The following TNK2 variants were observed in gnomAD, a reference collection of about 807,000 sequenced individuals.
TNK2 encodes the protein activated CDC42 kinase 1.
Under a neutral mutation model 101.8 loss-of-function variants are expected in TNK2, and 83 were observed. That is an observed-to-expected ratio of 0.82 (90% CI 0.68 to 0.98). The LOEUF is 0.98. Ranked by LOEUF, TNK2 falls within the 50% of genes least tolerant of loss-of-function variation. The probability of loss-of-function intolerance (pLI) is 0.00; values close to 1 mark genes in which losing one functional copy is unlikely to be tolerated. For synonymous variants in TNK2, 804 were observed against 633.0 expected (o/e 1.27, Z -4.06); for missense variants, 1,665 against 1,483.2 (o/e 1.12, Z -2.01).
At chr3:195,895,333 G>T in intron 1 of TNK2, 1 of 1,571,310 alleles carries the variant, frequency 6.4e-7, no homozygotes. Flanking sequence ...CGGTCAGGGA[G>T]AGAAGCAGCG....
chr3:195,869,119 G>T (rs1742994050), intron 12 of TNK2: 2 of 485,348 alleles, frequency 4.1e-6, no homozygotes, highest in Non-Finnish European at 7.5e-6. Context: ...GCCATCAGGG[G>T]CTATAAGGAC....
rs959364342 is a variant in TNK2, at chr3:195,895,088, G to A, written c.-18-6482C>T. On this transcript the variant is annotated intron_variant, in intron 1 of 15. Coordinates refer to ENST00000672887, the MANE Select transcript of TNK2 (RefSeq NM_001382273.1). ...ATGCCAGCATCACTAAGTCACCACC[G>A]CCACACCCACATAAACACACCGCTC... Among the ~76,000 whole-genome samples, 11 of 152,214 alleles carry A rather than the reference G, an allele frequency of 7.2e-5. No individual in the cohort carries two copies. In the East Asian group the frequency reaches 1.9e-3, roughly 27 times the overall value.
At position 195,868,473 on chromosome 3, in the gene TNK2, T is replaced by C. The variant is rs371531955; in HGVS notation, c.1825A>G (p.Met609Val). ...TCGTCCAGCAGGGAGCAGGCGTCCA[T>C]GGCCAGCTGCGCCAGGGAGGGCGCG... ...PCAPSLAQLA[M>V]DACSLLDETP... Residue 609 changes from methionine (M) to valine (V), a missense_variant, in exon 13 of 16, where the codon ATG becomes GTG. Met to Val is a conservative substitution (Grantham distance 21). Coordinates refer to ENST00000672887, the MANE Select transcript of TNK2 (RefSeq NM_001382273.1). 14 of 1,553,688 alleles carry C rather than the reference T, an allele frequency of 9.0e-6. No homozygotes were observed. The highest frequency in any genetic ancestry group is 2.8e-5 in the African/African-American group (2 of 72,562).
chr3:195,866,745 G>A (rs1356497099), intron 15 of TNK2, 144 bp downstream of exon 15: 1 of 1,234,116 alleles, frequency 8.1e-7, no homozygotes, highest in Non-Finnish European at 1.1e-6. Context: ...GCTGGGCCCT[G>A]TGAGCGCCTC....
At chr3:195,875,643 C>T (rs1426881946) in intron 9 of TNK2, among the ~76,000 whole-genome samples, 3 of 109,630 alleles carry the variant, frequency 2.7e-5, no homozygotes, top group East Asian at 2.3e-4. Context: ...CTTCCAGGCC[C>T]GCCCTGTCCG....
chr3:195,872,239 G>A (rs374293483), intron 10 of TNK2, 37 bp downstream of exon 10: 15 of 1,609,748 alleles, frequency 9.3e-6, no homozygotes, highest in Middle Eastern at 1.6e-4. Context: ...AGTCCCGAGC[G>A]GGGCCAGGTC....
At position 195,868,686 on chromosome 3, in the gene TNK2, C is replaced by A; in HGVS notation, c.1612G>T (p.Glu538Ter). ...TCGCTGGACAAGGGGTCTTGGTCCT[C>A]GCTCACAGGGTCATAGGTTGGTTCT... ...TQKPTYDPVS[E>*]DQDPLSSDFK... Residue 538 changes from glutamate to a stop codon, truncating the protein, a stop_gained, in exon 13 of 16, where the codon GAG (glutamate) becomes TAG (stop). Transcript: ENST00000672887. LOFTEE classifies it high-confidence loss of function. The A allele has an allele frequency of 6.3e-7, 1 of 1,590,552 alleles. No individual in the cohort carries two copies. The highest frequency in any genetic ancestry group is 8.5e-7 in the Non-Finnish European group (1 of 1,176,640).
intron 11 of TNK2, 57 bp from the exon 12 acceptor site, chr3:195,869,598 G>A (rs1743487805): frequency 1.3e-6 from 2 of 1,520,494 alleles, no homozygotes; most frequent in Non-Finnish European, 1.8e-6. Context: ...AGAGGACAAA[G>A]GAGGGAGACG....
chr3:195,897,803 C>T, intron 1 of TNK2, among the ~76,000 whole-genome samples: 1 of 35,064 alleles, frequency 2.9e-5, no homozygotes, highest in East Asian at 3.4e-3. Context: ...CGCCTGCCCA[C>T]CCCCTCACCC....
chr3:195,868,722 G>C lies in TNK2; in HGVS notation c.1589-13C>G. ...TCATAGGTTGGTTCTGTGATGGAAA[G>C]GGAGAGCCCAACAGGAAGGCAGTCA... is the stretch of plus-strand genomic sequence containing the variant. On this transcript the variant is annotated splice_polypyrimidine_tract_variant and intron_variant, in intron 12 of 15. Transcript: ENST00000672887. The C allele has an allele frequency of 6.5e-7, 1 of 1,538,318 alleles. No homozygotes were observed. The highest frequency in any genetic ancestry group is 8.7e-7 in the Non-Finnish European group (1 of 1,152,128).
chr3:195,867,650 T>C lies in TNK2; in HGVS notation c.2648A>G (p.Tyr883Cys), dbSNP rs1298821975. ...CAGGAAGCGCTGGTAGCGCTCCAGG[T>C]AGGATGGTCGCTCGGGCAGCAAGTA... The part of the protein sequence containing the change: ...HYYLLPERPS[Y>C]LERYQRFLRE... The change falls in exon 13 of 16, where the codon TAC becomes TGC. Residue 883 changes from tyrosine to cysteine, a missense_variant. Physicochemically the swap from Tyr to Cys is radical, Grantham distance 194. This residue lies in a region of TNK2 where 1,136 missense variants were observed against 894.9 expected (regional missense o/e 1.27). Transcript: ENST00000672887. 2 of 1,603,654 alleles carry C rather than the reference T, an allele frequency of 1.2e-6. No homozygotes were observed. Among genetic ancestry groups the C allele is most frequent in the African/African-American group, 1.3e-5 (1 of 74,844 alleles).
rs758605659 is a variant in TNK2 at position 195,882,404 on chromosome 3, G to C, written c.610-76C>G. On this transcript the variant is annotated intron_variant, in intron 5 of 15. Coordinates refer to ENST00000672887, the MANE Select transcript of TNK2 (RefSeq NM_001382273.1). The surrounding 1 kb of genome is among the most constrained non-coding windows in gnomAD (Gnocchi z 4.2). ...CTCAGCAGCCCACGCTGGGCCCCCA[G>C]TCCCCTTCCTGAAGGCTTTCCAGAG... 2.0e-5 allele frequency: 31 copies of C among 1,587,458 alleles called. No individual in the cohort carries two copies. Among genetic ancestry groups the C allele is most frequent in the African/African-American group, 2.7e-5 (2 of 74,226 alleles).
rs749030944 is a variant in TNK2, at chr3:195,895,388, T to C, written c.-18-6782A>G. 3.9e-5 allele frequency: 60 copies of C among 1,545,970 alleles called. No homozygotes were observed. The East Asian group carries it at 1.5e-3, about 39-fold the overall frequency. ...AGCGGCACCGGCAGCGTCACTGCCC[T>C]GCGTCCTGGGGGGCCGGGCCTCGAG... On this transcript the variant is annotated intron_variant, in intron 1 of 15. Transcript: ENST00000672887.
intron 9 of TNK2, among the ~76,000 whole-genome samples, chr3:195,877,173 C>T (rs535884924): frequency 7.4e-4 from 112 of 152,316 alleles, no homozygotes; most frequent in African/African-American, 2.7e-3. Flanking sequence ...GACTGTTTGC[C>T]TCCTGTCCCC....
In TNK2 at chr3:195,886,687, G is replaced by C. The variant is rs1260723096; in HGVS notation, c.234+290C>G. ...CTCAGACACAGCAGGGCTAAGTTAA[G>C]GCACACTTGTCAATGAGGTCCTGTT... On this transcript the variant is annotated intron_variant, in intron 3 of 15. Coordinates refer to ENST00000672887, the MANE Select transcript of TNK2 (RefSeq NM_001382273.1). The surrounding 1 kb of genome is among the most constrained non-coding windows in gnomAD (Gnocchi z 4.2). Among the ~76,000 whole-genome samples the C allele has an allele frequency of 6.6e-6, 1 of 152,186 alleles. No individual in the cohort carries two copies. The highest frequency in any genetic ancestry group is 1.5e-5 in the Non-Finnish European group (1 of 68,024).
At position 195,869,522 on chromosome 3, in the gene TNK2, T is replaced by C; in HGVS notation, c.1563A>G (p.Pro521=). The C allele has an allele frequency of 1.3e-6, 2 of 1,549,998 alleles. No homozygotes were observed. The highest frequency in any genetic ancestry group is 1.7e-6 in the Non-Finnish European group (2 of 1,146,696). ...GGVKREPPPR[P]PQPAFFTQKP... Reference sequence around the variant, plus strand: ...TCTGAGTGAAGAAGGCAGGCTGAGGTGGGCGAGGTGGAGGCTCCCCTGCAA... The same window carrying C: ...TCTGAGTGAAGAAGGCAGGCTGAGGCGGGCGAGGTGGAGGCTCCCCTGCAA... The change falls in exon 12 of 16, where the codon CCA becomes CCG. Residue 521 remains proline, a synonymous_variant. Coordinates refer to ENST00000672887, the MANE Select transcript of TNK2 (RefSeq NM_001382273.1).
At position 195,885,418 on chromosome 3, in the gene TNK2, T is replaced by A; in HGVS notation, c.235-385A>T. ...CCGCAGACTCCAGCCCTAACCCGCA[T>A]CGATGGAGCCGCAGGGGCCCTCCAC... is the stretch of plus-strand genomic sequence containing the variant. On this transcript the variant is annotated intron_variant, in intron 3 of 15. Coordinates refer to ENST00000672887, the MANE Select transcript of TNK2 (RefSeq NM_001382273.1). This position sits in a 1 kb window ranked among gnomAD's most constrained non-coding sequence, Gnocchi z 4.7. The A allele has an allele frequency of 2.3e-6, 3 of 1,330,914 alleles. No individual in the cohort carries two copies. The highest frequency in any genetic ancestry group is 3.0e-6 in the Non-Finnish European group (3 of 1,016,778). 82.4% of individuals were successfully genotyped at this position (1,330,914 alleles called of 1,614,324 possible). A position where few individuals can be genotyped will look rare whatever the true frequency, so the allele number is the denominator to read the frequency against.
In TNK2 at chr3:195,879,250, C is replaced by T. The variant is rs1321389198; in HGVS notation, c.888-75G>A. ...GTCCGCCCCAGGGACTTAAAACACT[C>T]ATGCAGCAAACACTTGTTGTGACCC... On this transcript the variant is annotated intron_variant, in intron 6 of 15. Coordinates refer to ENST00000672887, the MANE Select transcript of TNK2 (RefSeq NM_001382273.1). 5.7e-6 allele frequency: 9 copies of T among 1,585,402 alleles called. No individual in the cohort carries two copies. In the East Asian group the frequency reaches 6.7e-5, roughly 12 times the overall value.
At chr3:195,870,488 G>A (rs1003810135) in intron 10 of TNK2, 3 of 1,086,594 alleles carry the variant, frequency 2.8e-6, no homozygotes, top group Non-Finnish European at 2.4e-6. Flanking sequence ...CAACCCCCCA[G>A]GCCCCCAGCC....
Sources: gnomAD v4.1 joint callset for allele counts (sites outside exome capture counted in the v4.1 genomes callset) on GRCh38, gnomAD v4.1.1 for gene constraint, gnomAD v4.1.1 regional missense constraint, Gnocchi (gnomAD v3.1) non-coding constraint, MANE v1.5 for transcripts, NCBI Gene and HGNC (gene_info 2026-07-23, HGNC 2026-07-21) for gene names.